GLIS3: variants seen among roughly 807,000 people sequenced by gnomAD.
The protein encoded by GLIS3 is zinc finger protein GLIS3.
A neutral mutation model predicts 78.6 loss-of-function variants in GLIS3; 53 were observed. The ratio of observed to expected loss-of-function variants is 0.67; its 90% CI spans 0.54 to 0.85. The LOEUF (loss-of-function observed/expected upper bound fraction) is 0.85, where lower values mean the gene tolerates loss of function less well. Among genes scored for constraint, GLIS3 ranks in the 40% least tolerant of loss-of-function variants. The pLI is 0.00. For missense variants in GLIS3, 1,703 were observed against 1,231.1 expected (o/e 1.38, Z -5.74); for synonymous variants, 684 against 509.9 (o/e 1.34, Z -4.60).
chr9:4,028,630 C>T (rs1051367908), intron 4 of GLIS3, among the ~76,000 whole-genome samples: 2 of 152,194 alleles, frequency 1.3e-5, no homozygotes, highest in Non-Finnish European at 2.9e-5. Flanking sequence ...GCCCCTTGTG[C>T]CCAATTCCAG....
the GLIS3 span, among the ~76,000 whole-genome samples, chr9:4,454,889 A>T: frequency 6.6e-6 from 1 of 152,220 alleles, no homozygotes; most frequent in East Asian, 1.9e-4. Context: ...ATAATCTAGA[A>T]TTGTACACAC....
chr9:4,061,962 T>A (rs1000600157), intron 4 of GLIS3, among the ~76,000 whole-genome samples: 1 of 152,168 alleles, frequency 6.6e-6, no homozygotes, highest in South Asian at 2.1e-4. Flanking sequence ...AAAGGGAGCA[T>A]AAAAAATGGG....
At chr9:4,214,622 T>C (rs1390012758) in intron 2 of GLIS3, among the ~76,000 whole-genome samples, 1 of 152,220 alleles carries the variant, frequency 6.6e-6, no homozygotes, top group African/African-American at 2.4e-5. Flanking sequence ...TCACTTTTTT[T>C]CTTCTGGTTT....
chr9:4,476,928 G>A, the GLIS3 span, among the ~76,000 whole-genome samples: 1 of 152,160 alleles, frequency 6.6e-6, no homozygotes, highest in Non-Finnish European at 1.5e-5. Flanking sequence ...TATTGGTGAG[G>A]ATGTGGAGAG....
chr9:4,406,113 T>C, the GLIS3 span, among the ~76,000 whole-genome samples: 1 of 152,142 alleles, frequency 6.6e-6, no homozygotes, highest in South Asian at 2.1e-4. Flanking sequence ...ACACAGCCAG[T>C]ATCATACCAA....
intron 2 of GLIS3, among the ~76,000 whole-genome samples, chr9:4,164,785 A>AG (rs1023913427): frequency 2.0e-5 from 3 of 152,246 alleles, no homozygotes; most frequent in African/African-American, 7.2e-5. Context: ...TGAATAGATC[A>AG]GGGAGGAAGG....
At chr9:4,419,205 A>T in the GLIS3 span, among the ~76,000 whole-genome samples, 3 of 152,178 alleles carry the variant, frequency 2.0e-5, no homozygotes, top group Non-Finnish European at 4.4e-5. Flanking sequence ...CATCAGGGAG[A>T]AAGACTCCAC....
Position 3,890,546 on chromosome 9 carries a change from G to A in GLIS3, c.2128+8145C>T, listed in dbSNP as rs140961839. ...AGAACATGAGCATCTGCCAATTGCC[G>A]GGGAGTGTACTAAACTCTTTTATGT... On this transcript the variant is annotated intron_variant, in intron 7 of 10. Coordinates refer to ENST00000381971, the MANE Select transcript of GLIS3 (RefSeq NM_001042413.2). Among the ~76,000 whole-genome samples the A allele has an allele frequency of 6.6e-4, 100 of 152,168 alleles. No individual in the cohort carries two copies. In the East Asian group the frequency reaches 0.015, roughly 22 times the overall value.
At chr9:4,136,044 A>G (rs572476548) in intron 2 of GLIS3, among the ~76,000 whole-genome samples, 1 of 152,246 alleles carries the variant, frequency 6.6e-6, no homozygotes, top group African/African-American at 2.4e-5. Flanking sequence ...AAAGGATGAC[A>G]ATTAGAATGA....
At chr9:4,397,024 C>CTTTTTCTT in the GLIS3 span, among the ~76,000 whole-genome samples, 1 of 121,206 alleles carries the variant, frequency 8.3e-6, no homozygotes, top group African/African-American at 3.1e-5. Context: ...TTCTTTTTTT[C>CTTTTTCTT]TTTTTTTTTT....
intron 7 of GLIS3, among the ~76,000 whole-genome samples, chr9:3,886,628 T>A (rs1822093341): frequency 6.6e-6 from 1 of 152,170 alleles, no homozygotes. Flanking sequence ...TGAAGAAAAT[T>A]ACCAATATTG....
At chr9:4,480,611 A>G in the GLIS3 span, among the ~76,000 whole-genome samples, 1 of 152,064 alleles carries the variant, frequency 6.6e-6, no homozygotes, top group African/African-American at 2.4e-5. Flanking sequence ...ACGTTACCAC[A>G]TTTTCAAAAT....
At chr9:4,345,093 C>T (rs957452848) in intron 2 of GLIS3, among the ~76,000 whole-genome samples, 1 of 152,196 alleles carries the variant, frequency 6.6e-6, no homozygotes, top group Non-Finnish European at 1.5e-5. Context: ...CTCCTCTATT[C>T]AAGTCTCCGC....
rs10974443 is a variant in GLIS3 at position 4,298,279 on chromosome 9, C to G, written c.-99+1142G>C. ...GGTCCCCGCCGAGCCAGTGTCCTCA[C>G]CCTGTGGTTTCCTTTCGCTTCTCGC... On this transcript the variant is annotated intron_variant, in intron 1 of 10. Coordinates refer to ENST00000381971, the MANE Select transcript of GLIS3 (RefSeq NM_001042413.2). 249 of 441,480 alleles carry G rather than the reference C, an allele frequency of 5.6e-4. No homozygotes were observed. In the East Asian group the frequency reaches 8.4e-3, roughly 15 times the overall value. The allele number at this position is 441,480 out of a possible 1,614,324, so 27.3% of individuals were successfully genotyped here.
intron 2 of GLIS3, among the ~76,000 whole-genome samples, chr9:4,128,716 C>A (rs1832751271): frequency 6.6e-6 from 1 of 152,170 alleles, no homozygotes; most frequent in African/African-American, 2.4e-5. Context: ...ATCCATCTTC[C>A]TGGGCCAGAA....
chr9:4,299,809 C>G lies in GLIS3; in HGVS notation c.-487G>C, dbSNP rs1816958581. On this transcript the variant is annotated 5_prime_UTR_variant, in exon 1 of 11. Transcript: ENST00000381971. Reference sequence around the variant, plus strand: ...CTGTCCTGTTCATCCTCGTCCTGGGCCGGGGAATGCTTCTGGGGGCCGACC... The same window carrying G: ...CTGTCCTGTTCATCCTCGTCCTGGGGCGGGGAATGCTTCTGGGGGCCGACC... 6.6e-6 allele frequency: 1 copy of G among 152,612 alleles called. No homozygotes were observed. Among genetic ancestry groups the G allele is most frequent in the Admixed American group, 6.5e-5 (1 of 15,294 alleles). 9.5% of individuals were successfully genotyped at this position (152,612 alleles called of 1,614,324 possible).
chr9:4,273,219 T>G (rs1018385273), intron 2 of GLIS3, among the ~76,000 whole-genome samples: 1 of 151,144 alleles, frequency 6.6e-6, no homozygotes, highest in African/African-American at 2.5e-5. Context: ...TTGCAGTGGT[T>G]TATAGAGATC....
intron 4 of GLIS3, among the ~76,000 whole-genome samples, chr9:4,095,685 G>C (rs1330126425): frequency 6.6e-6 from 1 of 152,108 alleles, no homozygotes; most frequent in South Asian, 2.1e-4. Context: ...CTATAAATTT[G>C]CTTCATGTTT....
intron 4 of GLIS3, among the ~76,000 whole-genome samples, chr9:4,068,076 T>C (rs1827256488): frequency 6.6e-6 from 1 of 152,168 alleles, no homozygotes; most frequent in Middle Eastern, 3.4e-3. Context: ...AGACTCAAAA[T>C]AAGGAGCTTA....
Sources: allele counts gnomAD v4.1 joint callset (sites outside exome capture counted in the v4.1 genomes callset), GRCh38; gene constraint gnomAD v4.1.1; transcripts MANE v1.5; gene names NCBI Gene and HGNC (gene_info 2026-07-23, HGNC 2026-07-21).